TRHDE: variants seen among roughly 807,000 people sequenced by gnomAD.
The protein encoded by TRHDE is thyrotropin releasing hormone degrading enzyme.
TRHDE carries 72 observed loss-of-function variants against 125.7 expected under a neutral mutation model. The observed-to-expected ratio is 0.57, with a 90% CI of 0.47 to 0.70. The LOEUF is 0.70. TRHDE is among the 30% of genes least tolerant of loss of function. The pLI is 0.00. For missense variants in TRHDE, 1,110 were observed against 1,327.1 expected (o/e 0.84, Z 2.54); for synonymous variants, 509 against 509.1 (o/e 1.00, Z 0.00).
intron 2 of TRHDE, among the ~76,000 whole-genome samples, chr12:72,242,469 A>G (rs1878501405): frequency 6.6e-6 from 1 of 152,164 alleles, no homozygotes; most frequent in African/African-American, 2.4e-5. Flanking sequence ...TTTATGCCAG[A>G]AATATCTTAA....
At chr12:72,627,344 C>T (rs1393433131) in intron 15 of TRHDE, among the ~76,000 whole-genome samples, 1 of 151,814 alleles carries the variant, frequency 6.6e-6, no homozygotes, top group Admixed American at 6.6e-5. Context: ...AATCATCTTC[C>T]TTCCTTCACC....
chr12:72,621,757 C>T lies in TRHDE; in HGVS notation c.2675+6C>T, dbSNP rs762667220. ...ATTTCCAGCAACAGGAACAGGTAAA[C>T]TGAGCCAAATCCTGTATTTCTGATA... On this transcript the variant is annotated splice_donor_region_variant and intron_variant, in intron 15 of 18. Transcript: ENST00000261180. The T allele has an allele frequency of 2.5e-5, 39 of 1,588,386 alleles. No individual in the cohort carries two copies. Among genetic ancestry groups the T allele is most frequent in the Non-Finnish European group, 3.3e-5 (38 of 1,163,832 alleles).
chr12:72,383,370 A>ATTTTTT (rs552559387), intron 3 of TRHDE, among the ~76,000 whole-genome samples: 75 of 100,924 alleles, frequency 7.4e-4, no homozygotes, highest in African/African-American at 1.1e-3. Flanking sequence ...AACCCATTTA[A>ATTTTTT]TTTTTTTTTT....
intron 2 of TRHDE, among the ~76,000 whole-genome samples, chr12:72,194,160 C>T (rs1052311964): frequency 1.3e-5 from 2 of 151,976 alleles, no homozygotes; most frequent in Non-Finnish European, 2.9e-5. Flanking sequence ...TCTTTAATTA[C>T]TCTGAGATAG....
In TRHDE at chr12:72,242,587, G is replaced by A. The variant is rs147521643; in HGVS notation, n.280-135408G>A. On this transcript the variant is annotated intron_variant and non_coding_transcript_variant, in intron 2 of 4. Coordinates refer to the TRHDE transcript ENST00000548156. ...CAGTAGACTCTCCTGCTTCTTGAGC[G>A]GGAAGTAGTGGGCTGCTTCTTGAGA... Among the ~76,000 whole-genome samples, 76 of 152,222 alleles carry A rather than the reference G, an allele frequency of 5.0e-4. 1 individual carries two copies. Among genetic ancestry groups the A allele is most frequent in the African/African-American group, 1.6e-3 (68 of 41,538 alleles).
intron 2 of TRHDE, among the ~76,000 whole-genome samples, chr12:72,210,942 A>G (rs1319452049): frequency 6.6e-6 from 1 of 152,204 alleles, no homozygotes; most frequent in Non-Finnish European, 1.5e-5. Flanking sequence ...TTTCAAAAGG[A>G]GTGTTGCTTT....
chr12:72,584,535 A>G (rs548581110), intron 12 of TRHDE, among the ~76,000 whole-genome samples: 1 of 152,176 alleles, frequency 6.6e-6, no homozygotes. Flanking sequence ...TCCTTTGGCC[A>G]ATATCTTCCC....
chr12:72,447,879 C>A (rs1477490060), intron 3 of TRHDE, among the ~76,000 whole-genome samples: 1 of 151,994 alleles, frequency 6.6e-6, no homozygotes, highest in East Asian at 1.9e-4. Context: ...AAGAGACTTT[C>A]TTGGCACATT....
At chr12:72,399,353 A>C in intron 3 of TRHDE, among the ~76,000 whole-genome samples, 1 of 152,188 alleles carries the variant, frequency 6.6e-6, no homozygotes, top group East Asian at 1.9e-4. Context: ...GAGGAATATC[A>C]ATTTTTATTT....
chr12:72,104,268 T>C (rs1384498277), intron 1 of TRHDE, among the ~76,000 whole-genome samples: 1 of 152,154 alleles, frequency 6.6e-6, no homozygotes, highest in Non-Finnish European at 1.5e-5. Flanking sequence ...GAGACCAAGC[T>C]CAACTATGTG....
At chr12:72,483,706 T>C (rs1296966435) in intron 5 of TRHDE, among the ~76,000 whole-genome samples, 1 of 151,970 alleles carries the variant, frequency 6.6e-6, no homozygotes. Flanking sequence ...GTACTCTATA[T>C]GTTCTGGAGT....
intron 2 of TRHDE, among the ~76,000 whole-genome samples, chr12:72,148,355 C>T (rs1876276360): frequency 6.6e-6 from 1 of 152,146 alleles, no homozygotes; most frequent in South Asian, 2.1e-4. Flanking sequence ...TTTGTAACAG[C>T]TTTAATTATT....
rs150959996 is a variant in TRHDE, at chr12:72,313,462, G to A, written c.1188+26508G>A. 1.1e-4 allele frequency among the ~76,000 whole-genome samples: 17 copies of A among 152,086 alleles called. No homozygotes were observed. In the East Asian group the frequency reaches 3.3e-3, roughly 29 times the overall value. ...ATGCAAATGTGATATAACTGTGATA[G>A]TATAAGATATAGCCCAAAATATATT... is the stretch of plus-strand genomic sequence containing the variant. On this transcript the variant is annotated intron_variant, in intron 2 of 18. Transcript: ENST00000261180.
intron 3 of TRHDE, among the ~76,000 whole-genome samples, chr12:72,430,477 A>G (rs1254062731): frequency 6.7e-6 from 1 of 150,106 alleles, no homozygotes; most frequent in African/African-American, 2.4e-5. Flanking sequence ...ACACACATAT[A>G]TATATACACA....
intron 4 of TRHDE, 91 bp downstream of exon 4, chr12:72,470,003 C>A: frequency 7.6e-7 from 1 of 1,323,992 alleles, no homozygotes; most frequent in African/African-American, 1.5e-5. Flanking sequence ...TATTATCCTC[C>A]CAAAGAAGTT....
intron 9 of TRHDE, among the ~76,000 whole-genome samples, chr12:72,568,202 C>T (rs955451999): frequency 4.6e-5 from 7 of 152,038 alleles, no homozygotes; most frequent in African/African-American, 1.7e-4. Flanking sequence ...GTGTCTTAAT[C>T]TAACATAAAA....
chr12:72,621,085 T>C (rs1407861325), intron 13 of TRHDE, 23 bp from the exon 14 acceptor site: 2 of 1,383,538 alleles, frequency 1.4e-6, no homozygotes, highest in Non-Finnish European at 2.0e-6. Context: ...ACCTTATCTT[T>C]ATTTATTCTA....
At chr12:72,328,506 G>A (rs1390261172) in intron 2 of TRHDE, among the ~76,000 whole-genome samples, 1 of 147,880 alleles carries the variant, frequency 6.8e-6, no homozygotes, top group Non-Finnish European at 1.5e-5. Flanking sequence ...ATCATGATCT[G>A]AGGAAGATAA....
At chr12:72,626,464 C>G (rs967192063) in intron 15 of TRHDE, among the ~76,000 whole-genome samples, 1 of 151,830 alleles carries the variant, frequency 6.6e-6, no homozygotes, top group Non-Finnish European at 1.5e-5. Context: ...GCCTTCAATG[C>G]TCAATCTACC....
Sources: gnomAD v4.1 joint callset for allele counts (sites outside exome capture counted in the v4.1 genomes callset) on GRCh38, gnomAD v4.1.1 for gene constraint, MANE v1.5 for transcripts, NCBI Gene and HGNC (gene_info 2026-07-23, HGNC 2026-07-21) for gene names.